RAB28: variants seen among roughly 807,000 people sequenced by gnomAD.
RAB28 encodes the protein ras-related protein Rab-28.
RAB28 carries 24 observed loss-of-function variants against 31.7 expected under a neutral mutation model. The ratio of observed to expected loss-of-function variants is 0.76; its 90% CI spans 0.55 to 1.06. The LOEUF is 1.06. Ranked by LOEUF, RAB28 falls within the 50% of genes least tolerant of loss-of-function variation. RAB28 has a pLI of 0.00. For missense variants in RAB28, 254 were observed against 258.5 expected, an observed-to-expected ratio of 0.98 and a Z score of 0.12; for synonymous variants, 100 against 90.4, an observed-to-expected ratio of 1.11 and a Z score of -0.60.
At chr4:13,399,081 G>A (rs1475483362) in intron 4 of RAB28, among the ~76,000 whole-genome samples, 1 of 152,088 alleles carries the variant, frequency 6.6e-6, no homozygotes, top group Non-Finnish European at 1.5e-5. Flanking sequence ...GAAAACTGCA[G>A]AGAAAGGGAT....
At chr4:13,409,896 G>A (rs1050630201) in intron 4 of RAB28, among the ~76,000 whole-genome samples, 8 of 152,134 alleles carry the variant, frequency 5.3e-5, no homozygotes, top group African/African-American at 1.9e-4. Flanking sequence ...CAAATCTCAT[G>A]CTAAATTGTG....
intron 4 of RAB28, among the ~76,000 whole-genome samples, chr4:13,401,121 T>G (rs1222951837): frequency 1.3e-5 from 2 of 152,184 alleles, no homozygotes; most frequent in East Asian, 1.9e-4. Flanking sequence ...CTGGAAAAGT[T>G]TATATACAAT....
chr4:13,390,415 A>G (rs990236436), intron 4 of RAB28, among the ~76,000 whole-genome samples: 2 of 152,196 alleles, frequency 1.3e-5, no homozygotes, highest in Non-Finnish European at 2.9e-5. Flanking sequence ...GAAATAAAAG[A>G]GGACACAAAC....
At chr4:13,471,164 G>A (rs776551572) in intron 3 of RAB28, among the ~76,000 whole-genome samples, 9 of 151,954 alleles carry the variant, frequency 5.9e-5, no homozygotes, top group Admixed American at 3.3e-4. Flanking sequence ...TTTCTGTCCT[G>A]TAGTATATCA....
intron 1 of RAB28, among the ~76,000 whole-genome samples, chr4:13,481,393 T>C (rs749827914): frequency 4.6e-5 from 7 of 152,078 alleles, no homozygotes; most frequent in Non-Finnish European, 1.0e-4. Context: ...TCTTCACTTA[T>C]CTAGACTGCA....
intron 4 of RAB28, among the ~76,000 whole-genome samples, chr4:13,405,009 A>T (rs116213351): frequency 6.6e-6 from 1 of 151,702 alleles, no homozygotes. Flanking sequence ...AGATTTTTAA[A>T]CCCCACATTC....
At chr4:13,407,470 G>A (rs1029668866) in intron 4 of RAB28, among the ~76,000 whole-genome samples, 9 of 151,074 alleles carry the variant, frequency 6.0e-5, no homozygotes, top group South Asian at 2.1e-4. Flanking sequence ...TGTTTGCTTC[G>A]GATTGTCTTG....
intron 6 of RAB28, among the ~76,000 whole-genome samples, chr4:13,373,268 T>C (rs1560265166): frequency 6.6e-6 from 1 of 150,980 alleles, no homozygotes; most frequent in Non-Finnish European, 1.5e-5. Context: ...GTCTATGTAC[T>C]TTGCAAATAA....
intron 4 of RAB28, among the ~76,000 whole-genome samples, chr4:13,400,942 T>G (rs1711711755): frequency 6.6e-6 from 1 of 152,296 alleles, no homozygotes; most frequent in African/African-American, 2.4e-5. Flanking sequence ...TAGTACCCTT[T>G]GTATTGCTTG....
chr4:13,415,025 A>G (rs1338911014), intron 4 of RAB28, among the ~76,000 whole-genome samples: 2 of 152,224 alleles, frequency 1.3e-5, no homozygotes. Flanking sequence ...GTATCACAGT[A>G]GTTATTCAAA....
At chr4:13,461,501 T>C (rs1336868242) in intron 3 of RAB28, among the ~76,000 whole-genome samples, 2 of 152,172 alleles carry the variant, frequency 1.3e-5, no homozygotes, top group Non-Finnish European at 1.5e-5. Flanking sequence ...CCTTTAATCA[T>C]AGTTGTTGAT....
chr4:13,388,451 T>C (rs1000977544), intron 4 of RAB28, among the ~76,000 whole-genome samples: 2 of 151,986 alleles, frequency 1.3e-5, no homozygotes, highest in Admixed American at 6.6e-5. Flanking sequence ...CTTCAGGTCA[T>C]TGGACTTGGT....
intron 1 of RAB28, among the ~76,000 whole-genome samples, chr4:13,483,040 G>T (rs1051228907): frequency 2.0e-5 from 3 of 152,168 alleles, no homozygotes; most frequent in Admixed American, 6.5e-5. Flanking sequence ...GAGTACAGGG[G>T]TGATAAACTT....
intron 4 of RAB28, among the ~76,000 whole-genome samples, chr4:13,422,040 T>TA (rs1553871397): frequency 1.3e-5 from 2 of 149,126 alleles, no homozygotes; most frequent in African/African-American, 4.9e-5. Context: ...ACAAAGAACT[T>TA]AAACAAACTT....
intron 4 of RAB28, among the ~76,000 whole-genome samples, chr4:13,422,865 T>C (rs1299605593): frequency 6.6e-6 from 1 of 151,882 alleles, no homozygotes; most frequent in African/African-American, 2.4e-5. Flanking sequence ...AACCTGCATG[T>C]TGTGCACATG....
At chr4:13,466,824 T>G (rs921644054) in intron 3 of RAB28, among the ~76,000 whole-genome samples, 1 of 151,982 alleles carries the variant, frequency 6.6e-6, no homozygotes, top group Non-Finnish European at 1.5e-5. Context: ...ATGATGTATA[T>G]ATGCATAACG....
chr4:13,434,331 A>G (rs888059619), intron 4 of RAB28, among the ~76,000 whole-genome samples: 10 of 152,328 alleles, frequency 6.6e-5, no homozygotes, highest in Non-Finnish European at 1.3e-4. Flanking sequence ...AGTTGGGACA[A>G]CAAAAGGGCA....
At chr4:13,407,268 T>C (rs1712154424) in intron 4 of RAB28, among the ~76,000 whole-genome samples, 1 of 152,174 alleles carries the variant, frequency 6.6e-6, no homozygotes, top group African/African-American at 2.4e-5. Context: ...CAGAGAATCC[T>C]TTCCCCATTA....
chr4:13,443,081 T>C (rs1202928985), intron 4 of RAB28, among the ~76,000 whole-genome samples: 1 of 152,222 alleles, frequency 6.6e-6, no homozygotes, highest in African/African-American at 2.4e-5. Context: ...CTAGAGCTAA[T>C]AATTTAATTT....
Sources: allele counts gnomAD v4.1 joint callset (sites outside exome capture counted in the v4.1 genomes callset), GRCh38; gene constraint gnomAD v4.1.1; transcripts MANE v1.5; gene names NCBI Gene and HGNC (gene_info 2026-07-23, HGNC 2026-07-21).